The following CSMD3 variants were observed in gnomAD, a reference collection of about 807,000 sequenced individuals.
CSMD3 encodes the protein CUB and Sushi multiple domains 3, also known as CUB and sushi domain-containing protein 3.
Under a neutral mutation model 435.2 loss-of-function variants are expected in CSMD3, and 177 were observed. That is an observed-to-expected ratio of 0.41 (90% confidence interval 0.36 to 0.46). CSMD3 has a LOEUF of 0.46. Among genes scored for constraint, CSMD3 ranks in the 20% least tolerant of loss-of-function variants. The pLI is 0.34. For missense variants in CSMD3, 4,265 were observed against 4,504.6 expected (o/e 0.95, Z 1.52); for synonymous variants, 1,656 against 1,520.5 (o/e 1.09, Z -2.07).
chr8:113,420,565 A>G (rs1041140096), intron 1 of CSMD3, among the ~76,000 whole-genome samples: 1 of 152,142 alleles, frequency 6.6e-6, no homozygotes, highest in African/African-American at 2.4e-5. Flanking sequence ...TTATTCCTAG[A>G]AAAAACATTA....
At chr8:112,457,950 T>C (rs1322766076) in intron 32 of CSMD3, among the ~76,000 whole-genome samples, 2 of 152,070 alleles carry the variant, frequency 1.3e-5, no homozygotes, top group South Asian at 2.1e-4. Flanking sequence ...AATAAGTATC[T>C]GGAAGAAACA....
intron 4 of CSMD3, among the ~76,000 whole-genome samples, chr8:113,108,073 T>C (rs75389160): frequency 6.6e-6 from 1 of 152,108 alleles, no homozygotes; most frequent in South Asian, 2.1e-4. Flanking sequence ...AATAGTATGT[T>C]AAATGGAGCA....
intron 1 of CSMD3, among the ~76,000 whole-genome samples, chr8:113,409,327 C>G (rs191293392): frequency 6.8e-6 from 1 of 147,722 alleles, no homozygotes; most frequent in Admixed American, 6.6e-5. Flanking sequence ...TCGTGAAGCA[C>G]CCCTCTCGGC....
At position 112,291,593 on chromosome 8, in the gene CSMD3, T is replaced by G. The variant is rs2130677322; in HGVS notation, c.8891A>C (p.Asn2964Thr). 1.9e-6 allele frequency: 3 copies of G among 1,611,108 alleles called. No homozygotes were observed. Among genetic ancestry groups the G allele is most frequent in the Non-Finnish European group, 2.5e-6 (3 of 1,177,630 alleles). The change falls in exon 56 of 71, where the codon AAT (asparagine) becomes ACT (threonine). Residue 2964 changes from asparagine to threonine, a missense_variant. Asn to Thr is a moderately conservative substitution (Grantham distance 65). Around this residue, in one of 3 missense-constraint regions of CSMD3, gnomAD observed 3,255 missense variants for 3,380.2 expected, o/e 0.96. Coordinates refer to ENST00000297405, the MANE Select transcript of CSMD3 (RefSeq NM_198123.2). The stretch of plus-strand genomic sequence containing the variant: ...AGATCCAAATAAAAAATATCCAGGA[T>G]TGCAGTCATAGAATACCACAGTGCC... ...TYGTVVFYDC[N>T]PGYFLFGSSV...
chr8:112,482,111 A>G (rs537372045), intron 31 of CSMD3, among the ~76,000 whole-genome samples: 63 of 152,234 alleles, frequency 4.1e-4, no homozygotes, highest in African/African-American at 1.4e-3. Context: ...CTGTCATCTC[A>G]CTGATTGCCT....
At chr8:113,400,133 T>C (rs1361673563) in intron 1 of CSMD3, among the ~76,000 whole-genome samples, 1 of 152,100 alleles carries the variant, frequency 6.6e-6, no homozygotes, top group Admixed American at 6.6e-5. Flanking sequence ...AAATGTTCAT[T>C]AGTAAATAAA....
chr8:112,866,630 T>C (rs1171651142), intron 10 of CSMD3, among the ~76,000 whole-genome samples: 2 of 152,256 alleles, frequency 1.3e-5, no homozygotes, highest in African/African-American at 4.8e-5. Flanking sequence ...GTCTTGCCCC[T>C]AGTAGAAGTA....
At chr8:112,436,847 C>T (rs1329924950) in intron 32 of CSMD3, among the ~76,000 whole-genome samples, 5 of 151,928 alleles carry the variant, frequency 3.3e-5, no homozygotes, top group African/African-American at 1.2e-4. Context: ...TGAAATCAGT[C>T]TATCAATAAA....
intron 4 of CSMD3, among the ~76,000 whole-genome samples, chr8:113,172,835 G>A (rs1452589586): frequency 6.6e-6 from 1 of 152,136 alleles, no homozygotes; most frequent in Non-Finnish European, 1.5e-5. Context: ...AAAAAAAGAA[G>A]CCCAGAGGAA....
intron 1 of CSMD3, among the ~76,000 whole-genome samples, chr8:113,372,751 G>C (rs1335531206): frequency 6.6e-6 from 1 of 152,018 alleles, no homozygotes; most frequent in Non-Finnish European, 1.5e-5. Context: ...GGCTAACAAG[G>C]TGAAACCCCG....
chr8:112,991,995 T>C lies in CSMD3; in HGVS notation c.1031-15847A>G, dbSNP rs75757714. Among the ~76,000 whole-genome samples, 1,083 of 151,986 alleles carry C rather than the reference T, an allele frequency of 7.1e-3. 13 individuals are homozygous for C. The highest frequency in any genetic ancestry group is 0.024 in the African/African-American group (1,013 of 41,534). Reference sequence around the variant, plus strand: ...ATATTTTAGTGAGCAGGTGAGGTCCTGTAATGAGTAAATTTTGATTAAGCA... The same window carrying C: ...ATATTTTAGTGAGCAGGTGAGGTCCCGTAATGAGTAAATTTTGATTAAGCA... On this transcript the variant is annotated intron_variant, in intron 6 of 70. Coordinates refer to ENST00000297405, the MANE Select transcript of CSMD3 (RefSeq NM_198123.2).
intron 3 of CSMD3, among the ~76,000 whole-genome samples, chr8:113,257,932 T>G (rs2093396908): frequency 6.6e-6 from 1 of 152,302 alleles, no homozygotes; most frequent in African/African-American, 2.4e-5. Flanking sequence ...AAAGTAACAC[T>G]GCCAACATAC....
intron 54 of CSMD3, among the ~76,000 whole-genome samples, chr8:112,295,542 T>C (rs1820175737): frequency 6.6e-6 from 1 of 151,940 alleles, no homozygotes; most frequent in Non-Finnish European, 1.5e-5. Context: ...TACAAATGTG[T>C]TGATAATGTG....
At chr8:112,747,917 T>C (rs1587162133) in intron 13 of CSMD3, among the ~76,000 whole-genome samples, 3 of 137,766 alleles carry the variant, frequency 2.2e-5, no homozygotes, top group East Asian at 2.2e-4. Flanking sequence ...GAGCGGAGAT[T>C]GCGCCACAGC....
At chr8:113,200,799 G>A (rs1003626013) in intron 3 of CSMD3, among the ~76,000 whole-genome samples, 9 of 151,248 alleles carry the variant, frequency 6.0e-5, no homozygotes, top group East Asian at 3.9e-4. Context: ...TTTTAATAGC[G>A]TTTATGCAAA....
At chr8:113,416,988 C>T (rs1188550644) in intron 1 of CSMD3, among the ~76,000 whole-genome samples, 1 of 151,892 alleles carries the variant, frequency 6.6e-6, no homozygotes. Flanking sequence ...TAAACATATG[C>T]CTCAACATAT....
chr8:112,588,245 G>C (rs1830895861), intron 22 of CSMD3, among the ~76,000 whole-genome samples: 1 of 151,452 alleles, frequency 6.6e-6, no homozygotes, highest in African/African-American at 2.4e-5. Context: ...GGAACAGTCA[G>C]AGAAAGACAA....
intron 16 of CSMD3, among the ~76,000 whole-genome samples, chr8:112,679,122 A>G (rs2075831935): frequency 6.6e-6 from 1 of 151,392 alleles, no homozygotes; most frequent in Non-Finnish European, 1.5e-5. Context: ...GAAAAATAAA[A>G]ATAAGCTGAG....
rs1244136088 is a variant in CSMD3, at chr8:112,905,771, G to C, written c.1633+15856C>G. On this transcript the variant is annotated intron_variant, in intron 10 of 70. Transcript: ENST00000297405. ...ATTCTGGCTACTACTTTTGTTGTGA[G>C]TAGTAAAGTATGCTTCGTCTCTGAC... Among the ~76,000 whole-genome samples, 3 of 151,446 alleles carry C rather than the reference G, an allele frequency of 2.0e-5. No individual in the cohort carries two copies. The East Asian group carries it at 5.9e-4, about 30-fold the overall frequency.
Sources: gnomAD v4.1 joint callset for allele counts (sites outside exome capture counted in the v4.1 genomes callset) on GRCh38, gnomAD v4.1.1 for gene constraint, gnomAD v4.1.1 regional missense constraint, MANE v1.5 for transcripts, NCBI Gene and HGNC (gene_info 2026-07-23, HGNC 2026-07-21) for gene names.